Variants in ATG16L2 observed in about 807,000 individuals in gnomAD.
ATG16L2 encodes the protein protein Atg16l2.
In ATG16L2, 77 loss-of-function variants were observed where a neutral mutation model predicts 84.7. The ratio of observed to expected loss-of-function variants is 0.91; its 90% CI spans 0.76 to 1.10. ATG16L2 has a LOEUF of 1.10. Ranked by LOEUF, ATG16L2 falls within the 50% of genes least tolerant of loss-of-function variation. The pLI, the probability that ATG16L2 is intolerant of heterozygous loss-of-function variation, is 0.00. For synonymous variants in ATG16L2, 361 were observed against 342.8 expected (o/e 1.05, Z -0.59); for missense variants, 782 against 817.6 (o/e 0.96, Z 0.53).
intron 5 of ATG16L2, chr11:72,838,789 C>CATCA: frequency 6.3e-7 from 1 of 1,596,538 alleles, no homozygotes. Context: ...GCAAGCCCAT[C>CATCA]ATCACACCAG....
At position 72,827,305 on chromosome 11, in the gene ATG16L2, A is replaced by G. The variant is rs766519909; in HGVS notation, c.1472+12A>G. 6.2e-7 allele frequency: 1 copy of G among 1,602,348 alleles called. No individual in the cohort carries two copies. The highest frequency in any genetic ancestry group is 1.7e-5 in the Admixed American group (1 of 59,990). ...TTCTGGGACAGCAGGTGACAGGCGCAGGCTGGGGGAGGACTTGGGGAGGGC... is the reference window on the plus strand; with the variant it reads ...TTCTGGGACAGCAGGTGACAGGCGCGGGCTGGGGGAGGACTTGGGGAGGGC... On this transcript the variant is annotated intron_variant, in intron 14 of 17. Coordinates refer to ENST00000321297, the MANE Select transcript of ATG16L2 (RefSeq NM_033388.2).
At chr11:72,840,870 G>T in intron 5 of ATG16L2, 1 of 1,585,986 alleles carries the variant, frequency 6.3e-7, no homozygotes, top group South Asian at 1.1e-5. Flanking sequence ...CAAGATCAGA[G>T]ACTTACAGGT....
chr11:72,835,163 C>T (rs1329130938), intron 5 of ATG16L2, among the ~76,000 whole-genome samples: 4 of 152,194 alleles, frequency 2.6e-5, no homozygotes, highest in Non-Finnish European at 5.9e-5. Flanking sequence ...CCCTTGGTCA[C>T]AGACGGAACC....
chr11:72,840,803 G>A (rs946891101), intron 5 of ATG16L2: 26 of 1,128,264 alleles, frequency 2.3e-5, no homozygotes, highest in Admixed American at 3.8e-5. Context: ...CAGGGGCCAC[G>A]GGGAAACATT....
At chr11:72,826,354 C>T in intron 11 of ATG16L2, 111 bp downstream of exon 11, 2 of 1,425,002 alleles carry the variant, frequency 1.4e-6, no homozygotes, top group East Asian at 2.4e-5. Flanking sequence ...AGAACCAGGC[C>T]CCTGGGCTCT....
At chr11:72,817,226 T>C (rs1271580080) in intron 2 of ATG16L2, among the ~76,000 whole-genome samples, 1 of 151,778 alleles carries the variant, frequency 6.6e-6, no homozygotes, top group African/African-American at 2.4e-5. Flanking sequence ...GGGCTCAGAG[T>C]TGGGAGGTGC....
downstream of ATG16L2, chr11:72,829,669 TAC>T: frequency 8.5e-7 from 1 of 1,183,034 alleles, no homozygotes; most frequent in Admixed American, 4.1e-5. Flanking sequence ...GCATTCATGG[TAC>T]AGAGACCTTT....
Position 72,827,257 on chromosome 11 carries a change from G to A in ATG16L2, c.1436G>A (p.Gly479Asp), listed in dbSNP as rs747341716. 6.2e-7 allele frequency: 1 copy of A among 1,614,064 alleles called. No homozygotes were observed. ...VVCGDHIIIS[G>D]HNDQKIRFWD... The stretch of plus-strand genomic sequence containing the variant: ...TGTGGGGACCATATCATCATTAGTG[G>A]CCACAATGACCAGAAGATCCGGTTC... Residue 479 changes from glycine to aspartate, a missense_variant, in exon 14 of 18, where the codon GGC becomes GAC. Transcript: ENST00000321297.
intron 3 of ATG16L2, among the ~76,000 whole-genome samples, chr11:72,819,330 T>A (rs1859850859): frequency 6.6e-6 from 1 of 152,116 alleles, no homozygotes. Flanking sequence ...TACAAGTAAC[T>A]TTCATCCTGC....
chr11:72,839,303 T>C (rs1170067531), intron 5 of ATG16L2, among the ~76,000 whole-genome samples: 1 of 152,142 alleles, frequency 6.6e-6, no homozygotes, highest in Admixed American at 6.5e-5. Flanking sequence ...AACATCTGCT[T>C]TAAGAAGAAA....
chr11:72,836,316 G>C (rs1187033996), intron 5 of ATG16L2, among the ~76,000 whole-genome samples: 1 of 152,154 alleles, frequency 6.6e-6, no homozygotes, highest in East Asian at 1.9e-4. Context: ...GGAGGTTTAG[G>C]AAAGGGGAGA....
downstream of ATG16L2, among the ~76,000 whole-genome samples, chr11:72,830,838 C>G (rs1474517565): frequency 4.6e-5 from 7 of 152,172 alleles, no homozygotes; most frequent in African/African-American, 1.7e-4. Flanking sequence ...CTATGTTGCC[C>G]AGGCTGGTCT....
At chr11:72,841,372 CAG>C in intron 5 of ATG16L2, 1 of 790,748 alleles carries the variant, frequency 1.3e-6, no homozygotes, top group Non-Finnish European at 1.9e-6. Flanking sequence ...AAAGCAAATG[CAG>C]TTTTTTTTTG....
At chr11:72,829,025 C>G in intron 17 of ATG16L2, 41 bp downstream of exon 17, 2 of 1,584,046 alleles carry the variant, frequency 1.3e-6, no homozygotes, top group Non-Finnish European at 1.7e-6. Context: ...TGGCCCCAGT[C>G]CTGCCAGGCT....
At chr11:72,838,300 G>A (rs117512134) in intron 5 of ATG16L2, 5,607 of 154,516 alleles carry the variant, frequency 0.036, 173 homozygotes, top group Non-Finnish European at 0.046. Flanking sequence ...GGAGGAGCCA[G>A]CCTCTCCTGA....
At chr11:72,838,777 G>A in intron 5 of ATG16L2, 1 of 1,587,834 alleles carries the variant, frequency 6.3e-7, no homozygotes, top group Non-Finnish European at 8.6e-7. Flanking sequence ...AGTAATGGAT[G>A]GGCAAGCCCA....
In ATG16L2 at chr11:72,825,522, TC is replaced by T. The variant is rs3214595; in HGVS notation, c.1102+116del. ...CTTTGTGTTTCTCTATCTGGAATAT[TC>T]TGTGGGCAGTGACTAGACAATGCCT... On this transcript the variant is annotated intron_variant, in intron 10 of 17. Transcript: ENST00000321297. The T allele has an allele frequency of 4.3e-4, 342 of 802,778 alleles. 1 individual carries two copies. In the East Asian group the frequency reaches 8.4e-3, roughly 20 times the overall value. The allele number at this position is 802,778 out of a possible 1,614,324, so 49.7% of individuals were successfully genotyped here. A position where few individuals can be genotyped will look rare whatever the true frequency, so the allele number is the denominator to read the frequency against.
At chr11:72,841,756 T>G (rs1054312914) in intron 5 of ATG16L2, among the ~76,000 whole-genome samples, 11 of 152,200 alleles carry the variant, frequency 7.2e-5, no homozygotes, top group African/African-American at 2.4e-4. Context: ...AGCTCCAATT[T>G]TGCATTGCAC....
Position 72,822,128 on chromosome 11 carries a change from G to C in ATG16L2, c.477G>C (p.Gln159His). The change falls in exon 5 of 18, where the codon CAG (glutamine) becomes CAC (histidine). Residue 159 changes from glutamine to histidine, a missense_variant. Coordinates refer to ENST00000321297, the MANE Select transcript of ATG16L2 (RefSeq NM_033388.2). The surrounding 1 kb of genome is among the most constrained non-coding windows in gnomAD (Gnocchi z 4.2). ...QAQQVEEWRA[Q>H]NAVQRAAYEA... is the part of the protein sequence containing the mutation. ...AGCAGGTGGAGGAGTGGCGGGCGCA[G>C]AATGCGGTGCAGCGGGCAGCCTACG... is the stretch of plus-strand genomic sequence containing the variant. 6.6e-7 allele frequency: 1 copy of C among 1,511,766 alleles called. No individual in the cohort carries two copies. Among genetic ancestry groups the C allele is most frequent in the Admixed American group, 2.1e-5 (1 of 46,626 alleles). 93.6% of individuals were successfully genotyped at this position (1,511,766 alleles called of 1,614,324 possible). A position where few individuals can be genotyped will look rare whatever the true frequency, so the allele number is the denominator to read the frequency against.
Sources: gnomAD v4.1 joint callset for allele counts (sites outside exome capture counted in the v4.1 genomes callset) on GRCh38, gnomAD v4.1.1 for gene constraint, Gnocchi (gnomAD v3.1) non-coding constraint, MANE v1.5 for transcripts, NCBI Gene and HGNC (gene_info 2026-07-23, HGNC 2026-07-21) for gene names.